Variants in CALCOCO2 observed in about 807,000 individuals in gnomAD.
CALCOCO2 encodes calcium binding and coiled-coil domain 2.
CALCOCO2 carries 42 observed loss-of-function variants against 62.5 expected under a neutral mutation model. The ratio of observed to expected loss-of-function variants is 0.67; its 90% CI spans 0.53 to 0.87. CALCOCO2 has a LOEUF of 0.87. CALCOCO2 is among the 40% of genes least tolerant of loss of function. CALCOCO2 has a pLI of 0.00. For synonymous variants in CALCOCO2, 167 were observed against 173.0 expected, an observed-to-expected ratio of 0.97 and a Z score of 0.27; for missense variants, 456 against 515.0, an observed-to-expected ratio of 0.89 and a Z score of 1.11.
In CALCOCO2 at chr17:48,835,940, A is replaced by G. The variant is rs1196867832; in HGVS notation, c.-11+4862A>G. Among the ~76,000 whole-genome samples the G allele has an allele frequency of 2.6e-5, 4 of 151,968 alleles. No homozygotes were observed. The East Asian group carries it at 7.7e-4, about 29-fold the overall frequency. The stretch of plus-strand genomic sequence containing the variant: ...AATTTTTTGTATTTTTAGTAGAGAC[A>G]GGGTTTCACCATGTTGGCTAGGCTG... On this transcript the variant is annotated intron_variant, in intron 1 of 12. Transcript: ENST00000258947.
intron 1 of CALCOCO2, among the ~76,000 whole-genome samples, chr17:48,836,585 T>A (rs933728327): frequency 6.6e-6 from 1 of 152,058 alleles, no homozygotes; most frequent in South Asian, 2.1e-4. Flanking sequence ...GTGATAGTGT[T>A]GTGAAGGAAA....
At chr17:48,840,802 G>C (rs949421264) in intron 1 of CALCOCO2, among the ~76,000 whole-genome samples, 4 of 151,992 alleles carry the variant, frequency 2.6e-5, no homozygotes, top group African/African-American at 9.7e-5. Context: ...CTATTGGATT[G>C]GGACCCTTTT....
chr17:48,836,752 G>A (rs1468060721), intron 1 of CALCOCO2, among the ~76,000 whole-genome samples: 2 of 148,582 alleles, frequency 1.3e-5, no homozygotes, highest in Non-Finnish European at 3.0e-5. Flanking sequence ...AGTCCCGGAA[G>A]TCACTCTTTT....
At chr17:48,858,025 A>AATAG (rs1567759263) in intron 10 of CALCOCO2, among the ~76,000 whole-genome samples, 14 of 13,764 alleles carry the variant, frequency 1.0e-3, no homozygotes, top group African/African-American at 1.7e-3. Context: ...AATAGAATAG[A>AATAG]ATAGAATAGA....
chr17:48,863,070 G>T lies in CALCOCO2; in HGVS notation c.*65G>T, dbSNP rs767552503. ...ATAGAACCTATAGCTTCTACCATGAGTTATATGAGTCAAGATCCTGCCTAA... is the reference window on the plus strand; with the variant it reads ...ATAGAACCTATAGCTTCTACCATGATTTATATGAGTCAAGATCCTGCCTAA... On this transcript the variant is annotated 3_prime_UTR_variant, in exon 13 of 13. Transcript: ENST00000258947. 14 of 1,199,652 alleles carry T rather than the reference G, an allele frequency of 1.2e-5. No homozygotes were observed. The highest frequency in any genetic ancestry group is 1.4e-5 in the Non-Finnish European group (11 of 803,578). The allele number at this position is 1,199,652 out of a possible 1,614,324, so 74.3% of individuals were successfully genotyped here.
chr17:48,863,712 A>G lies in CALCOCO2; in HGVS notation c.*707A>G, dbSNP rs2040357702. 6.6e-6 allele frequency: 1 copy of G among 152,326 alleles called. No individual in the cohort carries two copies. 9.4% of individuals were successfully genotyped at this position (152,326 alleles called of 1,614,324 possible). On this transcript the variant is annotated 3_prime_UTR_variant, in exon 13 of 13. Coordinates refer to ENST00000258947, the MANE Select transcript of CALCOCO2 (RefSeq NM_005831.5). ...TTGTAAATCCTTTCTTAATGGTTAA[A>G]TAGGATTGTTAGCAACTATGGGTTT... is the stretch of plus-strand genomic sequence containing the variant.
Position 48,857,497 on chromosome 17 carries a change from C to CTTTTTTTTTTTTTTTTTTTTTTTTTTTT in CALCOCO2, c.1008+1333_1008+1334insTTTTTTTTTTTTTTTTTTTTTTTTTTTT, listed in dbSNP as rs59318856. Among the ~76,000 whole-genome samples, 36 of 38,440 alleles carry CTTTTTTTTTTTTTTTTTTTTTTTTTTTT rather than the reference C, an allele frequency of 9.4e-4. 9 individuals are homozygous for CTTTTTTTTTTTTTTTTTTTTTTTTTTTT. The East Asian group carries it at 0.012, about 13-fold the overall frequency. 25.2% of individuals were successfully genotyped at this position (38,440 alleles called of 152,430 possible). A position where few individuals can be genotyped will look rare whatever the true frequency, so the allele number is the denominator to read the frequency against. Reference sequence around the variant, plus strand: ...CAGGCGTGAGCCACTGCACCCGGCCCTTTTTTTTTTTTTTTTTTTTTTTGA... The same window carrying CTTTTTTTTTTTTTTTTTTTTTTTTTTTT: ...CAGGCGTGAGCCACTGCACCCGGCCCTTTTTTTTTTTTTTTTTTTTTTTTTTTTTTTTTTTTTTTTTTTTTTTTTTTGA... On this transcript the variant is annotated intron_variant, in intron 10 of 12. Transcript: ENST00000258947.
intron 9 of CALCOCO2, among the ~76,000 whole-genome samples, chr17:48,854,398 T>TATATATA (rs1567757340): frequency 0.025 from 33 of 1,338 alleles, 1 homozygote; most frequent in African/African-American, 0.023. Flanking sequence ...ATATATATAT[T>TATATATA]TTTTTTTTTT....
intron 4 of CALCOCO2, 58 bp from the exon 5 acceptor site, chr17:48,849,194 T>C: frequency 6.4e-7 from 1 of 1,567,728 alleles, no homozygotes; most frequent in Admixed American, 1.7e-5. Flanking sequence ...CATCCTAACC[T>C]ATGGGAATTT....
rs146408945 is a variant in CALCOCO2, at chr17:48,837,194, G to A, written c.-10-4504G>A. On this transcript the variant is annotated intron_variant, in intron 1 of 12. Transcript: ENST00000258947. Reference sequence around the variant, plus strand: ...AGGGATATGCTGGCCTCCATATGACGGTAGACCACTTGGAAATAAAGGGTC... The same window carrying A: ...AGGGATATGCTGGCCTCCATATGACAGTAGACCACTTGGAAATAAAGGGTC... 2.0e-5 allele frequency among the ~76,000 whole-genome samples: 3 copies of A among 152,140 alleles called. 1 individual carries two copies. Among genetic ancestry groups the A allele is most frequent in the African/African-American group, 7.2e-5 (3 of 41,526 alleles).
intron 2 of CALCOCO2, chr17:48,846,195 G>T: frequency 3.2e-6 from 2 of 618,772 alleles, no homozygotes; most frequent in Non-Finnish European, 5.3e-6. Context: ...GGAGTGCAGA[G>T]GTGCAATCTG....
Position 48,848,334 on chromosome 17 carries a change from C to A in CALCOCO2, c.296C>A (p.Pro99His), listed in dbSNP as rs1457556100. The change falls in exon 4 of 13, where the codon CCC becomes CAC. Residue 99 changes from proline (P) to histidine (H), a missense_variant. Physicochemically the swap from Pro to His is moderately conservative, Grantham distance 77. Coordinates refer to ENST00000258947, the MANE Select transcript of CALCOCO2 (RefSeq NM_005831.5). ...GTTGTGTTTTCAGCTTACTACCTGC[C>A]CAAGGATGATGAGTATTACCAGTTC... ...QEVQFKAYYL[P>H]KDDEYYQFCY... 1 of 1,613,410 alleles carries A rather than the reference C, an allele frequency of 6.2e-7. No homozygotes were observed. Among genetic ancestry groups the A allele is most frequent in the Non-Finnish European group, 8.5e-7 (1 of 1,179,496 alleles).
chr17:48,852,412 AAC>A, intron 7 of CALCOCO2, 92 bp from the exon 8 acceptor site: 1 of 1,130,580 alleles, frequency 8.8e-7, no homozygotes, highest in Non-Finnish European at 1.3e-6. Context: ...TTGCTAGGGA[AAC>A]ACATCTCTTT....
At chr17:48,846,747 G>A (rs550668466) in intron 2 of CALCOCO2, among the ~76,000 whole-genome samples, 28 of 152,246 alleles carry the variant, frequency 1.8e-4, no homozygotes, top group African/African-American at 6.5e-4. Context: ...TTTTGGTATA[G>A]ACTTTTCAAC....
Position 48,847,804 on chromosome 17 carries a change from C to T in CALCOCO2, c.181-260C>T, listed in dbSNP as rs2040072773. ...CTGAGTAGCTGGGATTACAGGCGCA[C>T]ACCACCGTGCCAACTTATTTTTTGT... On this transcript the variant is annotated intron_variant, in intron 2 of 12. Coordinates refer to ENST00000258947, the MANE Select transcript of CALCOCO2 (RefSeq NM_005831.5). 3.1e-5 allele frequency: 9 copies of T among 286,688 alleles called. 1 individual carries two copies. The South Asian group carries it at 3.7e-4, about 12-fold the overall frequency. The allele number at this position is 286,688 out of a possible 1,614,324, so 17.8% of individuals were successfully genotyped here.
intron 2 of CALCOCO2, chr17:48,844,173 G>T (rs1380480874): frequency 6.6e-6 from 1 of 152,162 alleles, no homozygotes; most frequent in Non-Finnish European, 1.5e-5. Context: ...GTGAGCCACC[G>T]CACCCGGCCT....
intron 10 of CALCOCO2, among the ~76,000 whole-genome samples, chr17:48,856,911 G>T (rs1691525264): frequency 1.3e-5 from 2 of 151,656 alleles, no homozygotes. Flanking sequence ...TGATCGTCCT[G>T]CCACAGCCTC....
intron 1 of CALCOCO2, chr17:48,831,747 C>G (rs1567746878): frequency 6.6e-6 from 1 of 152,200 alleles, no homozygotes; most frequent in Non-Finnish European, 1.5e-5. Context: ...CGTGTTAACT[C>G]TTTTCTATCA....
intron 2 of CALCOCO2, 134 bp from the exon 3 acceptor site, chr17:48,847,930 C>T (rs1464883190): frequency 3.3e-6 from 2 of 603,088 alleles, no homozygotes; most frequent in Non-Finnish European, 5.9e-6. Flanking sequence ...GCTAGGATTA[C>T]AGGCATGAGC....
Sources: gnomAD v4.1 joint callset for allele counts (sites outside exome capture counted in the v4.1 genomes callset) on GRCh38, gnomAD v4.1.1 for gene constraint, MANE v1.5 for transcripts, NCBI Gene and HGNC (gene_info 2026-07-23, HGNC 2026-07-21) for gene names.